GRAMD1C: variants seen among roughly 807,000 people sequenced by gnomAD.
GRAMD1C encodes protein Aster-C.
A neutral mutation model predicts 97.8 loss-of-function variants in GRAMD1C; 89 were observed. The ratio of observed to expected loss-of-function variants is 0.91; its 90% CI spans 0.77 to 1.09. GRAMD1C has a LOEUF of 1.09. GRAMD1C is among the 50% of genes least tolerant of loss of function. GRAMD1C has a pLI of 0.00. For synonymous variants in GRAMD1C, 256 were observed against 267.0 expected (o/e 0.96, Z 0.40); for missense variants, 740 against 766.4 (o/e 0.97, Z 0.41).
At chr3:113,841,884 A>C (rs1933339393) in intron 1 of GRAMD1C, among the ~76,000 whole-genome samples, 1 of 147,574 alleles carries the variant, frequency 6.8e-6, no homozygotes. Context: ...TTTTGTAGAG[A>C]GGGGGCCTTG....
chr3:113,915,582 A>G, intron 9 of GRAMD1C, 119 bp from the exon 10 acceptor site: 2 of 688,616 alleles, frequency 2.9e-6, no homozygotes, highest in Non-Finnish European at 2.4e-6. Context: ...CATTGTAATC[A>G]TATTTAAAAA....
intron 17 of GRAMD1C, among the ~76,000 whole-genome samples, chr3:113,941,921 CT>C (rs1400274107): frequency 1.8e-3 from 227 of 128,980 alleles, no homozygotes; most frequent in Non-Finnish European, 1.8e-3. Context: ...GCCCGGCCAT[CT>C]TTTTTTTTTT....
chr3:113,927,539 G>T (rs189494795), intron 10 of GRAMD1C, among the ~76,000 whole-genome samples: 1 of 152,346 alleles, frequency 6.6e-6, no homozygotes, highest in African/African-American at 2.4e-5. Context: ...TGCACATCCT[G>T]CTCAGCTAGG....
rs11378575 is a variant in GRAMD1C, at chr3:113,941,620, AT to A, written c.1908+1291del. On this transcript the variant is annotated intron_variant, in intron 17 of 17. Transcript: ENST00000358160. ...GATTTCTTTTCTTTGTGGTGTTGCAATTTTTTTTTTTTTTTTGAGATGGAAT... is the reference window on the plus strand; with the variant it reads ...GATTTCTTTTCTTTGTGGTGTTGCAATTTTTTTTTTTTTTTGAGATGGAAT... Among the ~76,000 whole-genome samples the A allele has an allele frequency of 6.5e-3, 901 of 139,484 alleles. 8 individuals are homozygous for A. Among genetic ancestry groups the A allele is most frequent in the African/African-American group, 0.021 (790 of 37,786 alleles). 91.5% of individuals were successfully genotyped at this position (139,484 alleles called of 152,430 possible). A position where few individuals can be genotyped will look rare whatever the true frequency, so the allele number is the denominator to read the frequency against.
At chr3:113,877,310 A>G (rs1171958765) in intron 5 of GRAMD1C, among the ~76,000 whole-genome samples, 2 of 152,226 alleles carry the variant, frequency 1.3e-5, no homozygotes, top group Admixed American at 1.3e-4. Flanking sequence ...TATAACCACA[A>G]TATAATTCAA....
At chr3:113,931,627 T>A (rs971468664) in intron 11 of GRAMD1C, among the ~76,000 whole-genome samples, 1 of 150,836 alleles carries the variant, frequency 6.6e-6, no homozygotes, top group Non-Finnish European at 1.5e-5. Context: ...AAAGAAAATA[T>A]TTTTTTAAAA....
At chr3:113,848,762 T>C (rs796838173) in intron 2 of GRAMD1C, among the ~76,000 whole-genome samples, 8 of 152,294 alleles carry the variant, frequency 5.3e-5, no homozygotes, top group African/African-American at 1.9e-4. Context: ...GCTGTGATCA[T>C]GCCACTGCAT....
chr3:113,890,964 A>G (rs1935702046), intron 6 of GRAMD1C: 1 of 502,582 alleles, frequency 2.0e-6, no homozygotes, highest in African/African-American at 1.9e-5. Context: ...CTGGAAGTAA[A>G]ATTTACCCTT....
At chr3:113,861,916 G>A (rs557459484) in intron 2 of GRAMD1C, among the ~76,000 whole-genome samples, 2 of 152,226 alleles carry the variant, frequency 1.3e-5, no homozygotes, top group South Asian at 4.2e-4. Context: ...CTGGGTGTCC[G>A]GGGGAGACAT....
chr3:113,891,366 A>AGTGCCTGGTGCTAG (rs1314885990), intron 6 of GRAMD1C, among the ~76,000 whole-genome samples: 1 of 152,172 alleles, frequency 6.6e-6, no homozygotes, highest in Admixed American at 6.5e-5. Flanking sequence ...TGCCAGGCAC[A>AGTGCCTGGTGCTAG]GTGCTAGGTG....
chr3:113,894,813 G>T (rs994949348), intron 6 of GRAMD1C, among the ~76,000 whole-genome samples: 1 of 152,124 alleles, frequency 6.6e-6, no homozygotes, highest in African/African-American at 2.4e-5. Flanking sequence ...GTTAGATTCA[G>T]GGGTAAAGTA....
In GRAMD1C at chr3:113,908,918, A is replaced by G. The variant is rs141359572; in HGVS notation, c.790-40A>G. On this transcript the variant is annotated intron_variant, in intron 8 of 17. Coordinates refer to ENST00000358160, the MANE Select transcript of GRAMD1C (RefSeq NM_017577.5). ...GTTCTCACTGCAAAATCTAAGCTAA[A>G]CCTGTGTTTTATTTTGAAACTGGAT... is the stretch of plus-strand genomic sequence containing the variant. 29 of 1,288,988 alleles carry G rather than the reference A, an allele frequency of 2.2e-5. No homozygotes were observed. In the African/African-American group the frequency reaches 4.3e-4, roughly 19 times the overall value. The allele number at this position is 1,288,988 out of a possible 1,614,324, so 79.8% of individuals were successfully genotyped here. A position where few individuals can be genotyped will look rare whatever the true frequency, so the allele number is the denominator to read the frequency against.
At chr3:113,829,886 C>G (rs952741974) in intron 1 of GRAMD1C, among the ~76,000 whole-genome samples, 1 of 152,084 alleles carries the variant, frequency 6.6e-6, no homozygotes, top group Admixed American at 6.6e-5. Flanking sequence ...ACCTGAGGTT[C>G]GTTGTCCCAC....
chr3:113,936,016 A>G (rs535468863), intron 13 of GRAMD1C, among the ~76,000 whole-genome samples: 11 of 152,350 alleles, frequency 7.2e-5, no homozygotes, highest in African/African-American at 2.4e-4. Flanking sequence ...TATTAATAAC[A>G]TAGCACATGG....
intron 6 of GRAMD1C, among the ~76,000 whole-genome samples, chr3:113,886,663 G>T (rs1390031969): frequency 6.6e-6 from 1 of 150,594 alleles, no homozygotes; most frequent in Non-Finnish European, 1.5e-5. Context: ...CAAACTAAAT[G>T]CAAAGCAAGA....
At chr3:113,926,871 G>A (rs950967059) in intron 10 of GRAMD1C, among the ~76,000 whole-genome samples, 1 of 152,112 alleles carries the variant, frequency 6.6e-6, no homozygotes, top group Non-Finnish European at 1.5e-5. Flanking sequence ...CTGGCCCTTC[G>A]AGGTTAGAAA....
At chr3:113,836,395 A>T (rs1709631664), upstream of GRAMD1C, among the ~76,000 whole-genome samples, 1 of 152,228 alleles carries the variant, frequency 6.6e-6, no homozygotes, top group South Asian at 2.1e-4. Context: ...ACAGTAAAAG[A>T]ATAACTGAAT....
chr3:113,881,825 G>A (rs967254460), intron 5 of GRAMD1C, among the ~76,000 whole-genome samples: 6 of 152,154 alleles, frequency 3.9e-5, no homozygotes, highest in Non-Finnish European at 8.8e-5. Flanking sequence ...AAGAGATCCT[G>A]CATATATCTT....
chr3:113,842,125 C>G (rs927040950), intron 1 of GRAMD1C, among the ~76,000 whole-genome samples: 1 of 152,186 alleles, frequency 6.6e-6, no homozygotes, highest in African/African-American at 2.4e-5. Flanking sequence ...ATACCACCAT[C>G]GTGGAGTATT....
Sources: allele counts gnomAD v4.1 joint callset (sites outside exome capture counted in the v4.1 genomes callset), GRCh38; gene constraint gnomAD v4.1.1; transcripts MANE v1.5; gene names NCBI Gene and HGNC (gene_info 2026-07-23, HGNC 2026-07-21).